PCDHGA6: variants seen among roughly 807,000 people sequenced by gnomAD.
PCDHGA6 encodes the protein protocadherin gamma subfamily A, 6, also known as protocadherin gamma-A6.
A neutral mutation model predicts 60.6 loss-of-function variants in PCDHGA6; 41 were observed. The observed-to-expected ratio is 0.68, with a 90% CI of 0.53 to 0.88. PCDHGA6 has a LOEUF of 0.88. PCDHGA6 is among the 40% of genes least tolerant of loss of function. The pLI is 0.00. For synonymous variants in PCDHGA6, 594 were observed against 524.4 expected (o/e 1.13, Z -1.81); for missense variants, 1,312 against 1,203.0 (o/e 1.09, Z -1.34).
At chr5:141,403,144 C>A in intron 1 of PCDHGA6, 10 of 1,614,042 alleles carry the variant, frequency 6.2e-6, no homozygotes, top group Non-Finnish European at 8.5e-6. Flanking sequence ...AGCGCCGAGT[C>A]CGCATCGTCT....
In PCDHGA6 at chr5:141,415,715, T is replaced by G. The variant is rs1051923200; in HGVS notation, c.2424+39208T>G. 4 of 1,428,132 alleles carry G rather than the reference T, an allele frequency of 2.8e-6. No individual in the cohort carries two copies. In the African/African-American group the frequency reaches 4.5e-5, roughly 16 times the overall value. The allele number at this position is 1,428,132 out of a possible 1,614,324, so 88.5% of individuals were successfully genotyped here. Reference sequence around the variant, plus strand: ...GAAAGTGTAAATGCTAAAACACTGATGAGTAGAATTTGATGTTTATTAAGG... The same window carrying G: ...GAAAGTGTAAATGCTAAAACACTGAGGAGTAGAATTTGATGTTTATTAAGG... On this transcript the variant is annotated intron_variant, in intron 1 of 3. Transcript: ENST00000517434.
chr5:141,392,661 A>T, intron 1 of PCDHGA6: 1 of 803,300 alleles, frequency 1.2e-6, no homozygotes, highest in Non-Finnish European at 1.9e-6. Context: ...CAGATGCCAC[A>T]AACTAACTGC....
At chr5:141,382,364 T>C (rs919179170) in intron 1 of PCDHGA6, among the ~76,000 whole-genome samples, 3 of 152,264 alleles carry the variant, frequency 2.0e-5, no homozygotes, top group African/African-American at 7.2e-5. Flanking sequence ...AAATAAAATT[T>C]ACCTTTTTGC....
At position 141,409,225 on chromosome 5, in the gene PCDHGA6, C is replaced by T. The variant is rs781617309; in HGVS notation, c.2424+32718C>T. 59 of 1,613,878 alleles carry T rather than the reference C, an allele frequency of 3.7e-5. 2 individuals carry two copies. The East Asian group carries it at 1.1e-3, about 30-fold the overall frequency. On this transcript the variant is annotated intron_variant, in intron 1 of 3. Coordinates refer to ENST00000517434, the MANE Select transcript of PCDHGA6 (RefSeq NM_018919.3). ...TAATCATAGAAATCCTTGATGAAAA[C>T]GACAACAGCCCAGAAATAATCATCA...
At chr5:141,419,313 G>T in intron 1 of PCDHGA6, 1 of 1,613,974 alleles carries the variant, frequency 6.2e-7, no homozygotes, top group Non-Finnish European at 8.5e-7. Context: ...GGGCTCAACG[G>T]CCGTGTCTCC....
At chr5:141,422,500 G>A (rs762511271) in intron 1 of PCDHGA6, 1 of 1,614,008 alleles carries the variant, frequency 6.2e-7, no homozygotes, top group Non-Finnish European at 8.5e-7. Flanking sequence ...AACGTTGACA[G>A]CCACAGACCA....
chr5:141,399,867 C>T (rs766258677), intron 1 of PCDHGA6: 17 of 1,612,738 alleles, frequency 1.1e-5, no homozygotes, highest in South Asian at 3.3e-5. Context: ...CTGCAGAGCC[C>T]GGCTACCTGG....
rs1451071413 is a variant in PCDHGA6, at chr5:141,415,742, T to G, written c.2424+39235T>G. 19 of 216,608 alleles carry G rather than the reference T, an allele frequency of 8.8e-5. 1 individual carries two copies. In the Admixed American group the frequency reaches 4.5e-3, roughly 51 times the overall value. 13.4% of individuals were successfully genotyped at this position (216,608 alleles called of 1,614,324 possible). ...AGTAGAATTTGATGTTTATTAAGGT[T>G]TTTTTTTTTTTTTTTTTTTTTTTTT... On this transcript the variant is annotated intron_variant, in intron 1 of 3. Transcript: ENST00000517434.
At chr5:141,394,188 G>A (rs772537455) in intron 1 of PCDHGA6, 1 of 1,613,828 alleles carries the variant, frequency 6.2e-7, no homozygotes, top group Non-Finnish European at 8.5e-7. Flanking sequence ...CTCCTACTCA[G>A]CGTATATCCT....
Position 141,409,505 on chromosome 5 carries a change from A to G in PCDHGA6, c.2424+32998A>G, listed in dbSNP as rs1361558030. 5.6e-6 allele frequency: 9 copies of G among 1,614,036 alleles called. No homozygotes were observed. In the Middle Eastern group the frequency reaches 4.9e-4, roughly 89 times the overall value. On this transcript the variant is annotated intron_variant, in intron 1 of 3. Coordinates refer to ENST00000517434, the MANE Select transcript of PCDHGA6 (RefSeq NM_018919.3). Reference sequence around the variant, plus strand: ...CAGGGGCAAGCCGCCTCTTTCTTCCAGTAGAAGCATCACCTTGTATGTCGC... The same window carrying G: ...CAGGGGCAAGCCGCCTCTTTCTTCCGGTAGAAGCATCACCTTGTATGTCGC...
At chr5:141,408,438 C>T (rs749271632) in intron 1 of PCDHGA6, 1 of 1,614,014 alleles carries the variant, frequency 6.2e-7, no homozygotes. Context: ...AGCGTAGACG[C>T]GGAGAGCGGG....
chr5:141,488,565 C>A (rs1308485284), intron 1 of PCDHGA6, among the ~76,000 whole-genome samples: 1 of 152,174 alleles, frequency 6.6e-6, no homozygotes, highest in Non-Finnish European at 1.5e-5. Flanking sequence ...GAGATTTCCG[C>A]AAAGCATTGC....
At chr5:141,389,939 G>A in intron 1 of PCDHGA6, 1 of 1,614,082 alleles carries the variant, frequency 6.2e-7, no homozygotes, top group Non-Finnish European at 8.5e-7. Context: ...TCCAGGCTGA[G>A]CTGCAGTTTT....
At chr5:141,507,443 G>A (rs2099860678) in intron 3 of PCDHGA6, among the ~76,000 whole-genome samples, 2 of 152,200 alleles carry the variant, frequency 1.3e-5, no homozygotes. Flanking sequence ...TACAGCTGAC[G>A]GAAGGACAGA....
At chr5:141,410,846 TGTC>T (rs1025068052) in intron 1 of PCDHGA6, 5 of 423,660 alleles carry the variant, frequency 1.2e-5, no homozygotes, top group South Asian at 4.0e-5. Flanking sequence ...ATTTTGTCTT[TGTC>T]TTTTTTTTTT....
rs760714983 is a variant in PCDHGA6 at position 141,389,956 on chromosome 5, T to C, written c.2424+13449T>C. 12 of 1,614,040 alleles carry C rather than the reference T, an allele frequency of 7.4e-6. No homozygotes were observed. In the South Asian group the frequency reaches 7.7e-5, roughly 10 times the overall value. ...CAGGCTGAGCTGCAGTTTTACCTAG[T>C]GGTGGCCTTGGCCTTGATCTCAGTG... is the stretch of plus-strand genomic sequence containing the variant. On this transcript the variant is annotated intron_variant, in intron 1 of 3. Coordinates refer to ENST00000517434, the MANE Select transcript of PCDHGA6 (RefSeq NM_018919.3).
At chr5:141,387,725 C>A (rs986434485) in intron 1 of PCDHGA6, 2 of 1,183,102 alleles carry the variant, frequency 1.7e-6, no homozygotes, top group Non-Finnish European at 2.3e-6. Context: ...GACTCCCCAG[C>A]GCCAGCCTTT....
intron 1 of PCDHGA6, chr5:141,402,790 A>G: frequency 1.0e-6 from 1 of 961,364 alleles, no homozygotes; most frequent in Non-Finnish European, 1.5e-6. Flanking sequence ...TTCTGCGGCT[A>G]CACAAAACCC....
chr5:141,392,877 A>T, intron 1 of PCDHGA6: 1 of 1,613,506 alleles, frequency 6.2e-7, no homozygotes, highest in Non-Finnish European at 8.5e-7. Flanking sequence ...GCTGCTGGGA[A>T]CGCTGTGGGA....
Sources: allele counts gnomAD v4.1 joint callset (sites outside exome capture counted in the v4.1 genomes callset), GRCh38; gene constraint gnomAD v4.1.1; transcripts MANE v1.5; gene names NCBI Gene and HGNC (gene_info 2026-07-23, HGNC 2026-07-21).